Variants in SYN3 observed in about 807,000 individuals in gnomAD.
SYN3 encodes the protein synapsin-3.
In SYN3, 35 loss-of-function variants were observed where a neutral mutation model predicts 65.8. The ratio of observed to expected loss-of-function variants is 0.53; its 90% CI spans 0.41 to 0.70. The LOEUF (loss-of-function observed/expected upper bound fraction) is 0.70. Among genes scored for constraint, SYN3 ranks in the 30% least tolerant of loss-of-function variants. The pLI is 0.00. For synonymous variants in SYN3, 270 were observed against 292.9 expected, an observed-to-expected ratio of 0.92 and a Z score of 0.80; for missense variants, 680 against 749.0, an observed-to-expected ratio of 0.91 and a Z score of 1.08.
chr22:32,527,894 G>A (rs1185537137), intron 12 of SYN3, 24 bp downstream of exon 12: 1 of 1,571,178 alleles, frequency 6.4e-7, no homozygotes, highest in East Asian at 2.3e-5. Context: ...ATGCTTTCTT[G>A]CAGTGGCTCG....
chr22:33,044,536 A>G (rs2054024123), intron 1 of SYN3, among the ~76,000 whole-genome samples: 1 of 151,972 alleles, frequency 6.6e-6, no homozygotes, highest in Non-Finnish European at 1.5e-5. Flanking sequence ...CACCTCACCC[A>G]ACATAAGCTT....
chr22:32,914,847 G>A (rs1222632279), intron 4 of SYN3, among the ~76,000 whole-genome samples: 1 of 152,134 alleles, frequency 6.6e-6, no homozygotes, highest in African/African-American at 2.4e-5. Context: ...TGAAAACAAA[G>A]GAAGGCTATA....
At chr22:32,622,329 C>T (rs2059607002) in intron 6 of SYN3, among the ~76,000 whole-genome samples, 1 of 152,120 alleles carries the variant, frequency 6.6e-6, no homozygotes, top group East Asian at 1.9e-4. Context: ...GTTCCCACCT[C>T]TATCAAACTC....
intron 7 of SYN3, among the ~76,000 whole-genome samples, chr22:32,577,366 C>T (rs1264699830): frequency 2.0e-5 from 3 of 152,154 alleles, no homozygotes; most frequent in Non-Finnish European, 4.4e-5. Context: ...CTCCTGTTGC[C>T]CATGACATTT....
In SYN3 at chr22:32,509,510, G is replaced by A. The variant is rs1459628018; in HGVS notation, c.*4182C>T. 2.0e-5 allele frequency among the ~76,000 whole-genome samples: 3 copies of A among 152,066 alleles called. No homozygotes were observed. The highest frequency in any genetic ancestry group is 6.5e-5 in the Admixed American group (1 of 15,278). On this transcript the variant is annotated 3_prime_UTR_variant, in exon 14 of 14. Coordinates refer to ENST00000358763, the MANE Select transcript of SYN3 (RefSeq NM_003490.4). ...ACAGACTATTTTAGGGTCGCCATGA[G>A]ACCTATGTGTCCTTGGTTCCTATGT...
intron 2 of SYN3, among the ~76,000 whole-genome samples, chr22:32,999,511 C>T (rs981627987): frequency 7.9e-5 from 12 of 152,186 alleles, no homozygotes; most frequent in African/African-American, 2.9e-4. Context: ...AAGATGAAAC[C>T]GTCTCTACTA....
chr22:32,942,164 A>G (rs1374051637), intron 3 of SYN3, among the ~76,000 whole-genome samples: 1 of 152,060 alleles, frequency 6.6e-6, no homozygotes, highest in Admixed American at 6.5e-5. Context: ...TGGGTCCCTG[A>G]CCCCCGAGTA....
At chr22:32,518,595 C>A (rs2057821236) in intron 12 of SYN3, 3 of 611,726 alleles carry the variant, frequency 4.9e-6, no homozygotes, top group Admixed American at 2.2e-5. Context: ...ATAACATATG[C>A]TAAATATTAT....
chr22:32,514,682 T>C (rs531700790), intron 13 of SYN3: 1 of 152,336 alleles, frequency 6.6e-6, no homozygotes, highest in African/African-American at 2.4e-5. Context: ...GTGTCAAAAG[T>C]TGAAGAGCTC....
In SYN3 at chr22:32,508,599, C is replaced by A. The variant is rs2057658212; in HGVS notation, c.*5093G>T. ...AGGTCTTTTTGAGGTTGAAAACCTG[C>A]CATTGATCTTCTTCCGCTTCTTTTC... On this transcript the variant is annotated 3_prime_UTR_variant, in exon 14 of 14. Transcript: ENST00000358763. Among the ~76,000 whole-genome samples the A allele has an allele frequency of 6.6e-6, 1 of 152,144 alleles. No individual in the cohort carries two copies. Among genetic ancestry groups the A allele is most frequent in the Non-Finnish European group, 1.5e-5 (1 of 68,008 alleles).
intron 7 of SYN3, among the ~76,000 whole-genome samples, chr22:32,548,867 A>G (rs2058371791): frequency 6.6e-6 from 1 of 152,226 alleles, no homozygotes; most frequent in African/African-American, 2.4e-5. Context: ...CACTACGTGT[A>G]AAAGAAAGTT....
At chr22:32,803,888 C>A (rs2046655902) in intron 6 of SYN3, among the ~76,000 whole-genome samples, 1 of 152,126 alleles carries the variant, frequency 6.6e-6, no homozygotes, top group African/African-American at 2.4e-5. Context: ...TTCCCCCTTG[C>A]CCTTTGCTTT....
At chr22:32,562,655 A>C (rs4821073) in intron 7 of SYN3, among the ~76,000 whole-genome samples, 37,834 of 152,234 alleles carry the variant, frequency 0.25, 5,139 homozygotes, top group Admixed American at 0.33. Context: ...TCTGCCCAAC[A>C]GGAGAATAAA....
intron 3 of SYN3, among the ~76,000 whole-genome samples, chr22:32,944,348 G>A (rs1268410779): frequency 6.6e-6 from 1 of 152,132 alleles, no homozygotes; most frequent in Non-Finnish European, 1.5e-5. Flanking sequence ...TGAATGACAT[G>A]ATCAAGTGGG....
rs3788480 is a variant in SYN3 at position 32,672,375 on chromosome 22, T to C, written c.712-75639A>G. On this transcript the variant is annotated intron_variant, in intron 6 of 13. Coordinates refer to ENST00000358763, the MANE Select transcript of SYN3 (RefSeq NM_003490.4). The stretch of plus-strand genomic sequence containing the variant: ...AGATGAGGAATAAAATTAAGATGCA[T>C]GGTATGTTTTGGTTTGGAGCTATTT... Among the ~76,000 whole-genome samples the C allele has an allele frequency of 2.2e-3, 332 of 152,214 alleles. 5 individuals carry two copies. The East Asian group carries it at 0.038, about 17-fold the overall frequency.
intron 6 of SYN3, among the ~76,000 whole-genome samples, chr22:32,838,870 C>T (rs2047813106): frequency 6.6e-6 from 1 of 151,700 alleles, no homozygotes. Flanking sequence ...GTGCTGGAGT[C>T]CCAGATGCAG....
intron 6 of SYN3, among the ~76,000 whole-genome samples, chr22:32,604,085 A>G (rs1021868369): frequency 4.6e-5 from 7 of 152,256 alleles, no homozygotes; most frequent in East Asian, 1.9e-4. Context: ...CAATCCACAG[A>G]GTCAGAGAAA....
chr22:32,528,903 C>T lies in SYN3; in HGVS notation c.1201G>A (p.Gly401Ser). Residue 401 changes from glycine (G) to serine (S), a missense_variant, in exon 11 of 14, where the codon GGC becomes AGC. Coordinates refer to ENST00000358763, the MANE Select transcript of SYN3 (RefSeq NM_003490.4). ...GGTCTGAGGGGGGAGGGCGCTGTGC[C>T]TCCTGGCATCGGGAGCTGGCTCATT... ...SKMSQLPMPG[G>S]TAPSPLRPWA... The T allele has an allele frequency of 6.2e-7, 1 of 1,614,136 alleles. No homozygotes were observed. Among genetic ancestry groups the T allele is most frequent in the Non-Finnish European group, 8.5e-7 (1 of 1,180,036 alleles).
At chr22:32,540,803 C>A (rs190357288) in intron 8 of SYN3, among the ~76,000 whole-genome samples, 3 of 152,198 alleles carry the variant, frequency 2.0e-5, no homozygotes, top group Non-Finnish European at 4.4e-5. Context: ...CAATAAAATG[C>A]GATCAAAGTT....
Sources: gnomAD v4.1 joint callset for allele counts (sites outside exome capture counted in the v4.1 genomes callset) on GRCh38, gnomAD v4.1.1 for gene constraint, MANE v1.5 for transcripts, NCBI Gene and HGNC (gene_info 2026-07-23, HGNC 2026-07-21) for gene names.